ZNF454: variants seen among roughly 807,000 people sequenced by gnomAD.
ZNF454 encodes zinc finger protein 454.
ZNF454 carries 30 observed loss-of-function variants against 48.2 expected under a neutral mutation model. That is an observed-to-expected ratio of 0.62 (90% CI 0.47 to 0.84). The LOEUF is 0.84. Among genes scored for constraint, ZNF454 ranks in the 40% least tolerant of loss-of-function variants. The pLI, the probability that ZNF454 is intolerant of heterozygous loss-of-function variation, is 0.00. For missense variants in ZNF454, 510 were observed against 623.1 expected, an observed-to-expected ratio of 0.82 and a Z score of 1.93; for synonymous variants, 204 against 211.4, an observed-to-expected ratio of 0.97 and a Z score of 0.30.
In ZNF454 at chr5:178,965,566, G is replaced by C. The variant is rs753466863; in HGVS notation, c.1162G>C (p.Glu388Gln). 5.6e-6 allele frequency: 9 copies of C among 1,614,054 alleles called. No individual in the cohort carries two copies. The East Asian group carries it at 8.9e-5, about 16-fold the overall frequency. The change falls in exon 5 of 5, where the codon GAA becomes CAA. Residue 388 changes from glutamate to glutamine, a missense_variant. Coordinates refer to ENST00000519564, the MANE Select transcript of ZNF454 (RefSeq NM_001178089.3). This position sits in a 1 kb window ranked among gnomAD's most constrained non-coding sequence, Gnocchi z 5.2. ...HTGEKPYKCN[E>Q]CGKAFRDNSS... ...TGGAGAGAAACCTTATAAATGTAATGAATGTGGGAAAGCTTTCAGGGATAA... is the reference window on the plus strand; with the variant it reads ...TGGAGAGAAACCTTATAAATGTAATCAATGTGGGAAAGCTTTCAGGGATAA...
At chr5:178,952,131 G>C (rs539734435) in intron 4 of ZNF454, among the ~76,000 whole-genome samples, 1 of 149,790 alleles carries the variant, frequency 6.7e-6, no homozygotes, top group South Asian at 2.1e-4. Context: ...TCCTCCTCCC[G>C]GGTTCACGCC....
downstream of ZNF454, among the ~76,000 whole-genome samples, chr5:178,967,719 T>C (rs1297495126): frequency 2.8e-5 from 1 of 36,016 alleles, no homozygotes; most frequent in Non-Finnish European, 6.1e-5. Flanking sequence ...TTTACCCTGT[T>C]TTTTTTTTTT....
chr5:178,956,892 G>T, intron 4 of ZNF454: 1 of 348,588 alleles, frequency 2.9e-6, no homozygotes, highest in Non-Finnish European at 5.9e-6. Context: ...TTTTTTGTTT[G>T]TTTGTTTTTT....
At chr5:178,987,444 G>C in the ZNF454 span, 10 of 457,502 alleles carry the variant, frequency 2.2e-5, no homozygotes, top group Non-Finnish European at 4.0e-5. Flanking sequence ...CGAACACGAC[G>C]GGGCCATTCA....
chr5:178,989,218 C>T, the ZNF454 span: 2 of 1,013,760 alleles, frequency 2.0e-6, no homozygotes, highest in East Asian at 2.5e-5. Context: ...CCCACCCTCA[C>T]CACCCTCCCC....
downstream of ZNF454, chr5:178,969,476 T>C (rs191783199): frequency 2.2e-4 from 100 of 456,870 alleles, 1 homozygote; most frequent in African/African-American, 1.9e-3. Context: ...CTAATGGCCA[T>C]GTCGACATAC....
At chr5:178,959,832 C>T (rs1362297228) in intron 4 of ZNF454, among the ~76,000 whole-genome samples, 1 of 151,982 alleles carries the variant, frequency 6.6e-6, no homozygotes, top group East Asian at 2.0e-4. Flanking sequence ...GTCTCGATCT[C>T]CTGACCTCGT....
chr5:178,945,266 A>G (rs1478166086), intron 2 of ZNF454, among the ~76,000 whole-genome samples: 1 of 141,354 alleles, frequency 7.1e-6, no homozygotes, highest in Non-Finnish European at 1.5e-5. Flanking sequence ...GGGTATGGGT[A>G]TGTGTTGTGT....
downstream of ZNF454, among the ~76,000 whole-genome samples, chr5:178,967,323 C>A (rs1276196985): frequency 2.6e-5 from 4 of 152,182 alleles, no homozygotes; most frequent in African/African-American, 7.2e-5. Context: ...GCCCCAAGGC[C>A]AGTTCTCAGA....
intron 4 of ZNF454, among the ~76,000 whole-genome samples, chr5:178,952,343 T>A (rs1759594180): frequency 6.6e-6 from 1 of 152,206 alleles, no homozygotes; most frequent in Non-Finnish European, 1.5e-5. Flanking sequence ...AGGTTGAACA[T>A]CTTTTCATAT....
downstream of ZNF454, chr5:178,969,730 C>T (rs1377419026): frequency 2.2e-6 from 1 of 446,646 alleles, no homozygotes; most frequent in Admixed American, 2.4e-5. Context: ...CCTCTCCTCC[C>T]ACCTCGGAGC....
the ZNF454 span, chr5:178,985,188 C>T: frequency 4.1e-4 from 180 of 440,984 alleles, no homozygotes; most frequent in African/African-American, 1.1e-3. Context: ...ACAGGAAAAC[C>T]GGTCAGATAG....
chr5:178,981,613 G>A, the ZNF454 span: 1 of 1,461,472 alleles, frequency 6.8e-7, no homozygotes, highest in Non-Finnish European at 9.6e-7. The surrounding 1 kb of genome is among the most constrained non-coding windows in gnomAD (Gnocchi z 5.1). Flanking sequence ...GAGGCAAGAG[G>A]AAGAAAGGAG....
chr5:178,970,545 T>A (rs1760221555), downstream of ZNF454, among the ~76,000 whole-genome samples: 1 of 152,050 alleles, frequency 6.6e-6, no homozygotes, highest in Non-Finnish European at 1.5e-5. Context: ...GTCACTGTCT[T>A]TTTTTTCTTT....
the ZNF454 span, chr5:178,978,808 G>C: frequency 1.3e-5 from 2 of 152,202 alleles, no homozygotes; most frequent in African/African-American, 4.8e-5. Flanking sequence ...CACACTGGAA[G>C]AATGCCTTAT....
At chr5:178,957,274 G>A (rs1023014445) in intron 4 of ZNF454, among the ~76,000 whole-genome samples, 23 of 152,248 alleles carry the variant, frequency 1.5e-4, no homozygotes, top group African/African-American at 5.5e-4. Flanking sequence ...GGAGTGAATT[G>A]GTCTAGCGTT....
At chr5:178,981,763 A>G in the ZNF454 span, 3 of 1,613,514 alleles carry the variant, frequency 1.9e-6, no homozygotes, top group Non-Finnish European at 2.5e-6. The surrounding 1 kb of genome is among the most constrained non-coding windows in gnomAD (Gnocchi z 5.1). Context: ...ATGGAAGAGG[A>G]TGACGTAGGT....
the ZNF454 span, chr5:178,986,440 G>A: frequency 6.2e-7 from 1 of 1,613,332 alleles, no homozygotes; most frequent in Non-Finnish European, 8.5e-7. Flanking sequence ...CACGAAGGTG[G>A]CCACCACCGT....
Position 178,946,059 on chromosome 5 carries a change from C to T in ZNF454, c.34-300C>T, listed in dbSNP as rs559847127. 3.4e-4 allele frequency among the ~76,000 whole-genome samples: 51 copies of T among 152,012 alleles called. No individual in the cohort carries two copies. Among genetic ancestry groups the T allele is most frequent in the African/African-American group, 9.9e-4 (41 of 41,430 alleles). On this transcript the variant is annotated intron_variant, in intron 2 of 4. Coordinates refer to ENST00000519564, the MANE Select transcript of ZNF454 (RefSeq NM_001178089.3). The surrounding 1 kb of genome is among the most constrained non-coding windows in gnomAD (Gnocchi z 4.5). ...GGGTGAGCGGAGAGGCAGGGCTAGG[C>T]GGTTTGAGGGAGATGGAGAAAATGT...
Sources: allele counts gnomAD v4.1 joint callset (sites outside exome capture counted in the v4.1 genomes callset), GRCh38; gene constraint gnomAD v4.1.1; non-coding constraint Gnocchi (gnomAD v3.1); transcripts MANE v1.5; gene names NCBI Gene and HGNC (gene_info 2026-07-23, HGNC 2026-07-21).